PPP2R2C: variants seen among roughly 807,000 people sequenced by gnomAD.
The protein encoded by PPP2R2C is protein phosphatase 2 regulatory subunit Bgamma, also known as protein phosphatase 2, regulatory subunit B, gamma.
A neutral mutation model predicts 45.3 loss-of-function variants in PPP2R2C; 10 were observed. The observed-to-expected ratio is 0.22, with a 90% CI of 0.14 to 0.37. PPP2R2C has a LOEUF of 0.37. Ranked by LOEUF, PPP2R2C falls within the 10% of genes least tolerant of loss-of-function variation. PPP2R2C has a pLI of 1.00. For missense variants in PPP2R2C, 308 were observed against 619.7 expected, an observed-to-expected ratio of 0.50 and a Z score of 5.34; for synonymous variants, 257 against 245.4, an observed-to-expected ratio of 1.05 and a Z score of -0.44.
chr4:6,480,637 T>C (rs1722318375), intron 2 of PPP2R2C, among the ~76,000 whole-genome samples: 1 of 152,222 alleles, frequency 6.6e-6, no homozygotes, highest in Non-Finnish European at 1.5e-5. Context: ...TTTTACTTAG[T>C]TCCTCATAGC....
At chr4:6,438,648 C>T (rs1046523905) in intron 1 of PPP2R2C, among the ~76,000 whole-genome samples, 2 of 152,216 alleles carry the variant, frequency 1.3e-5, no homozygotes, top group Non-Finnish European at 2.9e-5. Context: ...TCTGGTGACA[C>T]ACTGCATAGA....
intron 8 of PPP2R2C, among the ~76,000 whole-genome samples, chr4:6,325,185 AAG>A (rs1731845952): frequency 6.6e-6 from 1 of 152,134 alleles, no homozygotes. Flanking sequence ...AGTTTTCTAT[AAG>A]AACTGGGATC....
At chr4:6,512,641 GTGATGGTGC>G (rs1341943802) in intron 2 of PPP2R2C, among the ~76,000 whole-genome samples, 6 of 106,396 alleles carry the variant, frequency 5.6e-5, no homozygotes, top group African/African-American at 1.9e-4. Context: ...GGTGATGGTG[GTGATGGTGC>G]TGATGGTGGT....
At position 6,378,868 on chromosome 4, in the gene PPP2R2C, C is replaced by T. The variant is rs35206168; in HGVS notation, c.169-296G>A. Among the ~76,000 whole-genome samples the T allele has an allele frequency of 0.063, 9,542 of 151,804 alleles. 418 individuals are homozygous for T. The highest frequency in any genetic ancestry group is 0.095 in the Non-Finnish European group (6,475 of 67,934). ...GCTGGACACCCCACTAAGTCCTCCC[C>T]GCACCATCGCATTCTACCCTCCAGG... On this transcript the variant is annotated intron_variant, in intron 2 of 8. Transcript: ENST00000382599. This position sits in a 1 kb window ranked among gnomAD's most constrained non-coding sequence, Gnocchi z 5.2.
At chr4:6,490,182 T>A (rs1477928656) in intron 2 of PPP2R2C, among the ~76,000 whole-genome samples, 2 of 152,204 alleles carry the variant, frequency 1.3e-5, no homozygotes, top group Non-Finnish European at 2.9e-5. Context: ...CACCTGGGCC[T>A]GGCCATGTCA....
At chr4:6,529,137 C>T (rs1445708135) in intron 2 of PPP2R2C, among the ~76,000 whole-genome samples, 4 of 152,216 alleles carry the variant, frequency 2.6e-5, no homozygotes, top group East Asian at 1.9e-4. Flanking sequence ...AGCTGGAGGA[C>T]GAGGGGCTGC....
chr4:6,400,560 T>C (rs1470443769), intron 1 of PPP2R2C, among the ~76,000 whole-genome samples: 3 of 152,234 alleles, frequency 2.0e-5, no homozygotes, highest in Non-Finnish European at 4.4e-5. Context: ...TTGGCAACCA[T>C]TGCCCTAAAA....
At chr4:6,558,655 C>G (rs562918697) in intron 1 of PPP2R2C, among the ~76,000 whole-genome samples, 8 of 152,188 alleles carry the variant, frequency 5.3e-5, no homozygotes, top group Non-Finnish European at 1.2e-4. Context: ...ATGGAAGAGG[C>G]TCTGATGGAC....
At chr4:6,461,985 G>T (rs34392821) in intron 1 of PPP2R2C, among the ~76,000 whole-genome samples, 14,852 of 152,302 alleles carry the variant, frequency 0.098, 841 homozygotes, top group Non-Finnish European at 0.13. Flanking sequence ...AGAGAGGATG[G>T]TGCAGCCACG....
At chr4:6,436,423 G>T (rs960880759) in intron 1 of PPP2R2C, among the ~76,000 whole-genome samples, 1 of 152,160 alleles carries the variant, frequency 6.6e-6, no homozygotes, top group Non-Finnish European at 1.5e-5. Context: ...ACCCATTTTT[G>T]ACCTTTACTG....
chr4:6,390,762 G>A (rs1195907256), intron 1 of PPP2R2C, among the ~76,000 whole-genome samples: 1 of 152,216 alleles, frequency 6.6e-6, no homozygotes, highest in South Asian at 2.1e-4. Flanking sequence ...CACAGATCAG[G>A]CCTGCTCACC....
intron 1 of PPP2R2C, among the ~76,000 whole-genome samples, chr4:6,408,367 T>C (rs1717938186): frequency 6.6e-6 from 1 of 152,200 alleles, no homozygotes; most frequent in Non-Finnish European, 1.5e-5. Flanking sequence ...GGTTCTTCAC[T>C]GCATGATCAC....
At chr4:6,542,275 A>C (rs1238649524) in intron 1 of PPP2R2C, among the ~76,000 whole-genome samples, 1 of 152,268 alleles carries the variant, frequency 6.6e-6, no homozygotes, top group East Asian at 1.9e-4. Context: ...TCCTATGCCT[A>C]GGGGATGCTC....
At chr4:6,420,049 T>A (rs1363842119) in intron 1 of PPP2R2C, among the ~76,000 whole-genome samples, 1 of 152,176 alleles carries the variant, frequency 6.6e-6, no homozygotes, top group Non-Finnish European at 1.5e-5. Flanking sequence ...CGCACGACAG[T>A]CTGCAATCCC....
At chr4:6,494,244 A>T (rs553637563) in intron 2 of PPP2R2C, among the ~76,000 whole-genome samples, 130 of 152,236 alleles carry the variant, frequency 8.5e-4, no homozygotes, top group African/African-American at 3.1e-3. Context: ...AACACAGGGG[A>T]CGCAGGAGAT....
At position 6,378,254 on chromosome 4, in the gene PPP2R2C, C is replaced by T. The variant is rs772280476; in HGVS notation, c.334+153G>A. On this transcript the variant is annotated intron_variant, in intron 3 of 8. Transcript: ENST00000382599. This position sits in a 1 kb window ranked among gnomAD's most constrained non-coding sequence, Gnocchi z 5.2. ...TCTGAGGGGGTCTGGCATACTCACT[C>T]ATGGGATTTATATGCTGCTCAAAAA... 15 of 946,574 alleles carry T rather than the reference C, an allele frequency of 1.6e-5. No homozygotes were observed. In the Admixed American group the frequency reaches 1.9e-4, roughly 12 times the overall value. 58.6% of individuals were successfully genotyped at this position (946,574 alleles called of 1,614,324 possible).
At chr4:6,533,439 C>T (rs532794099) in intron 2 of PPP2R2C, among the ~76,000 whole-genome samples, 1 of 152,204 alleles carries the variant, frequency 6.6e-6, no homozygotes. Flanking sequence ...CTGCCCCAAA[C>T]AAAAGGTGCC....
intron 4 of PPP2R2C, among the ~76,000 whole-genome samples, chr4:6,374,842 G>A (rs772935807): frequency 7.2e-5 from 11 of 152,286 alleles, no homozygotes; most frequent in East Asian, 1.9e-4. Flanking sequence ...TGTGAACTGC[G>A]CAGGGTGGGT....
chr4:6,493,243 G>A (rs1012168980), intron 2 of PPP2R2C, among the ~76,000 whole-genome samples: 18 of 151,842 alleles, frequency 1.2e-4, no homozygotes, highest in Non-Finnish European at 1.2e-4. Context: ...GCACGCGCGC[G>A]CACATACACA....
Sources: gnomAD v4.1 joint callset for allele counts (sites outside exome capture counted in the v4.1 genomes callset) on GRCh38, gnomAD v4.1.1 for gene constraint, Gnocchi (gnomAD v3.1) non-coding constraint, MANE v1.5 for transcripts, NCBI Gene and HGNC (gene_info 2026-07-23, HGNC 2026-07-21) for gene names.